Variants in ZNF718 observed in about 807,000 individuals in gnomAD.
ZNF718 encodes zinc finger protein 718.
In ZNF718, 3 loss-of-function variants were observed where a neutral mutation model predicts 2.6. The ratio of observed to expected loss-of-function variants is 1.16; its 90% CI spans 0.53 to 3.01. ZNF718 has a LOEUF of 3.01. ZNF718 is among the 30% of genes most tolerant of loss of function. The probability of loss-of-function intolerance (pLI) is 0.03; values close to 1 mark genes in which losing one functional copy is unlikely to be tolerated. For synonymous variants in ZNF718, 135 were observed against 77.9 expected (o/e 1.73, Z -3.86); for missense variants, 468 against 230.0 (o/e 2.03, Z -6.69).
rs1480164670 is a variant in ZNF718 at position 162,194 on chromosome 4, C to A, written c.*72C>A. 8 of 598,934 alleles carry A rather than the reference C, an allele frequency of 1.3e-5. No individual in the cohort carries two copies. Among genetic ancestry groups the A allele is most frequent in the Non-Finnish European group, 2.4e-5 (8 of 328,198 alleles). 37.1% of individuals were successfully genotyped at this position (598,934 alleles called of 1,614,324 possible). A position where few individuals can be genotyped will look rare whatever the true frequency, so the allele number is the denominator to read the frequency against. ...AATCATAATTCATACTGGAGAGAAACTCTACACATGAAAAAATTGACAAAG... is the reference window on the plus strand; with the variant it reads ...AATCATAATTCATACTGGAGAGAAAATCTACACATGAAAAAATTGACAAAG... On this transcript the variant is annotated 3_prime_UTR_variant, in exon 4 of 4. Coordinates refer to ENST00000510175, the MANE Select transcript of ZNF718 (RefSeq NM_001039127.6).
At chr4:194,041 A>G (rs1016562855) in intron 3 of ZNF718, among the ~76,000 whole-genome samples, 1 of 152,164 alleles carries the variant, frequency 6.6e-6, no homozygotes, top group East Asian at 1.9e-4. Flanking sequence ...CCTGAAGGCC[A>G]TGACTAAGGT....
chr4:172,211 C>T (rs1247667360), intron 3 of ZNF718, among the ~76,000 whole-genome samples: 1 of 152,130 alleles, frequency 6.6e-6, no homozygotes, highest in Non-Finnish European at 1.5e-5. Flanking sequence ...AAACAAGCAT[C>T]CAGTAACCAG....
At chr4:166,862 C>A (rs539262149), downstream of ZNF718, among the ~76,000 whole-genome samples, 5 of 152,040 alleles carry the variant, frequency 3.3e-5, no homozygotes, top group East Asian at 7.7e-4. Flanking sequence ...TTAATTAGAT[C>A]CCATTTGTCA....
At position 139,886 on chromosome 4, in the gene ZNF718, T is replaced by G. The variant is rs146386087; in HGVS notation, c.226+8381T>G. Among the ~76,000 whole-genome samples the G allele has an allele frequency of 1.5e-3, 225 of 152,304 alleles. 1 individual carries two copies. The highest frequency in any genetic ancestry group is 0.014 in the Middle Eastern group (4 of 294). The stretch of plus-strand genomic sequence containing the variant: ...GCTGTGGCCTGTGAAACTAATGGGT[T>G]TCCGTGCAGAGAAGGCTGACTGCCA... On this transcript the variant is annotated intron_variant, in intron 3 of 3. Coordinates refer to ENST00000510175, the MANE Select transcript of ZNF718 (RefSeq NM_001039127.6).
chr4:162,076 C>G lies in ZNF718; in HGVS notation c.1391C>G (p.Ser464Cys). The change falls in exon 4 of 4, where the codon TCC becomes TGC. Residue 464 changes from serine to cysteine, a missense_variant. By Grantham distance (112) the Ser-to-Cys change is moderately radical. Coordinates refer to ENST00000510175, the MANE Select transcript of ZNF718 (RefSeq NM_001039127.6). ...KECGKAFKQYSNLPQHKRTHT... is the reference protein window; with the variant it reads ...KECGKAFKQYCNLPQHKRTHT... ...TGCGGGAAAGCTTTTAAGCAGTACT[C>G]CAACCTTCCTCAACATAAGAGAACT... 1 of 771,742 alleles carries G rather than the reference C, an allele frequency of 1.3e-6. No homozygotes were observed. The highest frequency in any genetic ancestry group is 2.4e-6 in the Non-Finnish European group (1 of 414,290). 47.8% of individuals were successfully genotyped at this position (771,742 alleles called of 1,614,324 possible). A position where few individuals can be genotyped will look rare whatever the true frequency, so the allele number is the denominator to read the frequency against.
chr4:186,110 T>C (rs546335088), intron 3 of ZNF718, among the ~76,000 whole-genome samples: 1 of 152,056 alleles, frequency 6.6e-6, no homozygotes, highest in Non-Finnish European at 1.5e-5. Flanking sequence ...CACTATGAAG[T>C]GTAGTGGCTG....
chr4:137,805 T>C (rs1273702132), intron 3 of ZNF718, among the ~76,000 whole-genome samples: 1 of 152,196 alleles, frequency 6.6e-6, no homozygotes, highest in Non-Finnish European at 1.5e-5. Context: ...TGTTCAGAGA[T>C]AAATTTAATG....
At position 126,440 on chromosome 4, in the gene ZNF718, C is replaced by G. The variant is rs147201810; in HGVS notation, c.3+1767C>G. Among the ~76,000 whole-genome samples the G allele has an allele frequency of 7.9e-5, 12 of 152,272 alleles. No homozygotes were observed. The East Asian group carries it at 2.3e-3, about 29-fold the overall frequency. ...GACTCAGACTTGTCTTTATCTAGGACTTGGGAACTATTGCTTTGAAATGTG... is the reference window on the plus strand; with the variant it reads ...GACTCAGACTTGTCTTTATCTAGGAGTTGGGAACTATTGCTTTGAAATGTG... On this transcript the variant is annotated intron_variant, in intron 1 of 3. Transcript: ENST00000510175.
At chr4:184,311 T>C (rs746475445) in intron 3 of ZNF718, among the ~76,000 whole-genome samples, 33 of 152,148 alleles carry the variant, frequency 2.2e-4, no homozygotes, top group Non-Finnish European at 4.1e-4. Context: ...GAACCACATA[T>C]ATCGATTTGT....
intron 3 of ZNF718, among the ~76,000 whole-genome samples, chr4:191,181 C>G (rs1717687093): frequency 1.6e-5 from 2 of 126,500 alleles, no homozygotes; most frequent in South Asian, 3.0e-4. Flanking sequence ...GAGTCTCACT[C>G]TAGTCACCCC....
intron 3 of ZNF718, among the ~76,000 whole-genome samples, chr4:190,559 C>A (rs539189513): frequency 3.2e-4 from 48 of 150,822 alleles, no homozygotes; most frequent in Admixed American, 1.5e-3. Context: ...ATAAAGTAAA[C>A]AATTAAAGAT....
intron 3 of ZNF718, among the ~76,000 whole-genome samples, chr4:174,019 C>A (rs1272803171): frequency 1.3e-5 from 2 of 152,002 alleles, no homozygotes; most frequent in Non-Finnish European, 2.9e-5. Flanking sequence ...CAGTCCTGCA[C>A]ATGAATGATC....
At chr4:200,983 C>T (rs1717887855) in intron 3 of ZNF718, 1 of 152,340 alleles carries the variant, frequency 6.6e-6, no homozygotes, top group Non-Finnish European at 1.5e-5. Context: ...ATTTGACACG[C>T]AGATACATTA....
At position 124,549 on chromosome 4, in the gene ZNF718, C is replaced by G. The variant is rs3747694; in HGVS notation, c.-122C>G. ...AGAGCTCGGTTAGGGCCTCATCGCT[C>G]TGCTCCCGCTCCTTAGGGAAGCCTC... On this transcript the variant is annotated 5_prime_UTR_variant, in exon 1 of 4. Transcript: ENST00000510175. 3.8e-3 allele frequency: 5,451 copies of G among 1,436,466 alleles called. 104 individuals are homozygous for G. The East Asian group carries it at 0.058, about 15-fold the overall frequency. 89.0% of individuals were successfully genotyped at this position (1,436,466 alleles called of 1,614,324 possible). A position where few individuals can be genotyped will look rare whatever the true frequency, so the allele number is the denominator to read the frequency against.
At chr4:150,536 A>G (rs1716270186) in intron 3 of ZNF718, among the ~76,000 whole-genome samples, 1 of 152,094 alleles carries the variant, frequency 6.6e-6, no homozygotes, top group East Asian at 1.9e-4. Context: ...TATTTCACTT[A>G]ATGTAACGGC....
chr4:191,771 T>C (rs1717697795), intron 3 of ZNF718, among the ~76,000 whole-genome samples: 1 of 152,030 alleles, frequency 6.6e-6, no homozygotes, highest in Admixed American at 6.6e-5. Context: ...GCGTTACGGG[T>C]GGGTCTTTGT....
At chr4:159,772 T>C (rs1716744053) in intron 3 of ZNF718, among the ~76,000 whole-genome samples, 1 of 152,176 alleles carries the variant, frequency 6.6e-6, no homozygotes, top group Non-Finnish European at 1.5e-5. Flanking sequence ...CTTCATTATT[T>C]ATAGTTGTTT....
At chr4:181,637 C>T (rs1717465912) in intron 3 of ZNF718, among the ~76,000 whole-genome samples, 1 of 152,046 alleles carries the variant, frequency 6.6e-6, no homozygotes, top group South Asian at 2.1e-4. Flanking sequence ...TTCCTTTAAT[C>T]TATAAAAATC....
chr4:197,165 TTGGGAGTTGACA>T (rs1717807737), intron 3 of ZNF718, among the ~76,000 whole-genome samples: 1 of 151,738 alleles, frequency 6.6e-6, no homozygotes, highest in African/African-American at 2.4e-5. Flanking sequence ...GAGACTTGAT[TTGGGAGTTGACA>T]TGTCCTTTAC....
Sources: gnomAD v4.1 joint callset for allele counts (sites outside exome capture counted in the v4.1 genomes callset) on GRCh38, gnomAD v4.1.1 for gene constraint, MANE v1.5 for transcripts, NCBI Gene and HGNC (gene_info 2026-07-23, HGNC 2026-07-21) for gene names.